Variants in RABGAP1L observed in about 807,000 individuals in gnomAD.
RABGAP1L encodes rab GTPase-activating protein 1-like.
RABGAP1L carries 63 observed loss-of-function variants against 137.7 expected under a neutral mutation model. The ratio of observed to expected loss-of-function variants is 0.46; its 90% CI spans 0.37 to 0.56. The LOEUF (loss-of-function observed/expected upper bound fraction) is 0.56, where lower values mean the gene tolerates loss of function less well. Among genes scored for constraint, RABGAP1L ranks in the 20% least tolerant of loss-of-function variants. The pLI, the probability that RABGAP1L is intolerant of heterozygous loss-of-function variation, is 0.00. For missense variants in RABGAP1L, 1,095 were observed against 1,244.0 expected (o/e 0.88, Z 1.80); for synonymous variants, 431 against 433.7 (o/e 0.99, Z 0.08).
chr1:174,673,054 C>A (rs1298624274), intron 14 of RABGAP1L, among the ~76,000 whole-genome samples: 11 of 152,140 alleles, frequency 7.2e-5, no homozygotes, highest in Non-Finnish European at 1.5e-5. Context: ...CTACTTCCAA[C>A]CCCTAATACA....
intron 1 of RABGAP1L, among the ~76,000 whole-genome samples, chr1:174,169,891 C>T (rs901415636): frequency 6.6e-6 from 1 of 152,014 alleles, no homozygotes; most frequent in Non-Finnish European, 1.5e-5. Context: ...CCTATGTTGC[C>T]CAGGCAGGTC....
intron 13 of RABGAP1L, among the ~76,000 whole-genome samples, chr1:174,436,446 A>G (rs578129000): frequency 3.5e-4 from 53 of 152,248 alleles, no homozygotes; most frequent in Non-Finnish European, 5.4e-4. Flanking sequence ...GGCTGCATAA[A>G]TGTCTTCTTT....
chr1:174,487,943 A>G (rs990191831), intron 13 of RABGAP1L, among the ~76,000 whole-genome samples: 5 of 152,150 alleles, frequency 3.3e-5, no homozygotes, highest in African/African-American at 1.2e-4. Context: ...CAGATAGTTA[A>G]TCTTTTGTTG....
rs531322454 is a variant in RABGAP1L, at chr1:174,721,207, G to A, written c.2169+18951G>A. On this transcript the variant is annotated intron_variant, in intron 17 of 25. Coordinates refer to ENST00000681986, the MANE Select transcript of RABGAP1L (RefSeq NM_001366446.1). ...TGGTATTACTTTCTGTCCCATATGAGAGTTATCAGATGATAAAGGTGTGAT... is the reference window on the plus strand; with the variant it reads ...TGGTATTACTTTCTGTCCCATATGAAAGTTATCAGATGATAAAGGTGTGAT... Among the ~76,000 whole-genome samples the A allele has an allele frequency of 1.3e-3, 203 of 152,288 alleles. 1 individual carries two copies. Among genetic ancestry groups the A allele is most frequent in the African/African-American group, 4.6e-3 (191 of 41,564 alleles).
chr1:174,461,006 G>T (rs1482841211), intron 13 of RABGAP1L, among the ~76,000 whole-genome samples: 1 of 152,134 alleles, frequency 6.6e-6, no homozygotes, highest in Non-Finnish European at 1.5e-5. Flanking sequence ...TTTACTCTGT[G>T]CTACTGCTGC....
chr1:174,457,665 G>A (rs1042205572), intron 13 of RABGAP1L, among the ~76,000 whole-genome samples: 10 of 151,874 alleles, frequency 6.6e-5, no homozygotes, highest in African/African-American at 2.2e-4. Flanking sequence ...ACCACGCCTA[G>A]CTAATTTTTG....
chr1:174,897,623 T>C (rs947270272), intron 19 of RABGAP1L: 9 of 152,240 alleles, frequency 5.9e-5, no homozygotes, highest in African/African-American at 1.9e-4. Flanking sequence ...GATTCAGTCT[T>C]ACTCTGCTTT....
At chr1:174,967,039 C>G (rs377737791) in intron 20 of RABGAP1L, among the ~76,000 whole-genome samples, 1 of 152,038 alleles carries the variant, frequency 6.6e-6, no homozygotes, top group African/African-American at 2.4e-5. Context: ...AAAGAAAATT[C>G]ACTACCTACA....
At chr1:174,325,364 CAG>C (rs1469250793) in intron 11 of RABGAP1L, among the ~76,000 whole-genome samples, 1 of 152,162 alleles carries the variant, frequency 6.6e-6, no homozygotes, top group Non-Finnish European at 1.5e-5. Flanking sequence ...AACAAGATGG[CAG>C]AGTTTCTTTC....
At chr1:174,654,632 TA>T (rs1362879557) in intron 14 of RABGAP1L, among the ~76,000 whole-genome samples, 1 of 151,804 alleles carries the variant, frequency 6.6e-6, no homozygotes, top group Admixed American at 6.6e-5. Context: ...ACAATTTTTT[TA>T]AAAAAAATAT....
intron 19 of RABGAP1L, among the ~76,000 whole-genome samples, chr1:174,865,810 C>G (rs2149036629): frequency 6.6e-6 from 1 of 152,124 alleles, no homozygotes; most frequent in South Asian, 2.1e-4. Flanking sequence ...GCTATAGTAA[C>G]TATAAATAAT....
intron 13 of RABGAP1L, among the ~76,000 whole-genome samples, chr1:174,589,552 G>A (rs889349127): frequency 6.6e-6 from 1 of 152,090 alleles, no homozygotes; most frequent in African/African-American, 2.4e-5. Context: ...GTCTTTGAGA[G>A]TTTCCTTAAT....
At chr1:174,622,618 A>G (rs956867574) in intron 13 of RABGAP1L, among the ~76,000 whole-genome samples, 14 of 152,074 alleles carry the variant, frequency 9.2e-5, no homozygotes, top group African/African-American at 3.4e-4. Context: ...AAAACCAAAC[A>G]CCGCATGTTC....
At chr1:174,590,345 T>TTA (rs1669503747) in intron 13 of RABGAP1L, among the ~76,000 whole-genome samples, 2 of 134,396 alleles carry the variant, frequency 1.5e-5, no homozygotes, top group Admixed American at 7.6e-5. Context: ...TCTTTTTTTT[T>TTA]TTATTTATTT....
chr1:174,537,266 T>C (rs915589392), intron 13 of RABGAP1L, among the ~76,000 whole-genome samples: 7 of 152,204 alleles, frequency 4.6e-5, no homozygotes, highest in Non-Finnish European at 8.8e-5. Flanking sequence ...TTGAACCAAA[T>C]GCAAAGTAGC....
chr1:174,877,974 A>T (rs1653431913), intron 19 of RABGAP1L, among the ~76,000 whole-genome samples: 1 of 152,226 alleles, frequency 6.6e-6, no homozygotes. Flanking sequence ...CTGAGAATTG[A>T]GCTACCTAAA....
chr1:174,241,774 CAAAATT>C (rs1371348286), intron 5 of RABGAP1L, 117 bp downstream of exon 5: 6 of 912,430 alleles, frequency 6.6e-6, no homozygotes, highest in Non-Finnish European at 9.6e-6. Flanking sequence ...TTTCTAAAGA[CAAAATT>C]AATATTTGTA....
chr1:174,490,505 G>T (rs1414564152), intron 13 of RABGAP1L, among the ~76,000 whole-genome samples: 5 of 152,162 alleles, frequency 3.3e-5, no homozygotes, highest in Non-Finnish European at 5.9e-5. Context: ...CCACCACTGG[G>T]ATTGCACTGG....
chr1:174,863,276 C>CT (rs1401781493), intron 19 of RABGAP1L, among the ~76,000 whole-genome samples: 21 of 140,638 alleles, frequency 1.5e-4, no homozygotes, highest in Non-Finnish European at 2.9e-4. Flanking sequence ...ATGGGAACTT[C>CT]TTTTTTCTCC....
Sources: gnomAD v4.1 joint callset for allele counts (sites outside exome capture counted in the v4.1 genomes callset) on GRCh38, gnomAD v4.1.1 for gene constraint, MANE v1.5 for transcripts, NCBI Gene and HGNC (gene_info 2026-07-23, HGNC 2026-07-21) for gene names.